Variants in NEXMIF observed in about 807,000 individuals in gnomAD.
NEXMIF encodes XLMR protein related to neurite extension.
Under a neutral mutation model 62.1 loss-of-function variants are expected in NEXMIF, and 8 were observed. The observed-to-expected ratio is 0.13, with a 90% CI of 0.08 to 0.23. NEXMIF has a LOEUF of 0.23. Among genes scored for constraint, NEXMIF ranks in the 10% least tolerant of loss-of-function variants. The pLI, the probability that NEXMIF is intolerant of heterozygous loss-of-function variation, is 1.00. For synonymous variants in NEXMIF, 404 were observed against 416.6 expected, an observed-to-expected ratio of 0.97 and a Z score of 0.37; for missense variants, 976 against 1,113.3, an observed-to-expected ratio of 0.88 and a Z score of 1.75.
chrX:74,849,610 T>G (rs2080506032), intron 1 of NEXMIF, among the ~76,000 whole-genome samples: 1 of 112,646 alleles, frequency 8.9e-6, no homozygotes, highest in Non-Finnish European at 1.9e-5. Flanking sequence ...CAGCAGGCCT[T>G]GCATCTCCAC....
intron 1 of NEXMIF, among the ~76,000 whole-genome samples, chrX:74,905,091 C>T (rs951688402): frequency 9.0e-6 from 1 of 111,240 alleles, no homozygotes; most frequent in Non-Finnish European, 1.9e-5. Flanking sequence ...AAGTAATGTA[C>T]ATGTCATCAG....
chrX:74,787,521 G>A (rs1365127988), intron 1 of NEXMIF, among the ~76,000 whole-genome samples: 1 of 111,437 alleles, frequency 9.0e-6, no homozygotes, highest in African/African-American at 3.3e-5. Context: ...ATGATTCCCT[G>A]ACTCTATTAC....
At chrX:74,849,711 C>T (rs1048758626) in intron 1 of NEXMIF, among the ~76,000 whole-genome samples, 1 of 112,338 alleles carries the variant, frequency 8.9e-6, no homozygotes, top group African/African-American at 3.2e-5. Context: ...GTTGGCGTGA[C>T]CCTGCTATAG....
At chrX:74,859,717 A>G (rs1263793243) in intron 1 of NEXMIF, among the ~76,000 whole-genome samples, 1 of 111,559 alleles carries the variant, frequency 9.0e-6, no homozygotes, top group Admixed American at 9.6e-5. Context: ...ACACAATACA[A>G]TAAGATATAA....
At chrX:74,884,241 T>C (rs1447328144) in intron 1 of NEXMIF, among the ~76,000 whole-genome samples, 2 of 111,731 alleles carry the variant, frequency 1.8e-5, no homozygotes, top group Non-Finnish European at 3.8e-5. Context: ...CATCAACTAA[T>C]GAGCAAAATA....
intron 1 of NEXMIF, among the ~76,000 whole-genome samples, chrX:74,903,800 A>G (rs2080757068): frequency 1.8e-5 from 2 of 111,144 alleles, no homozygotes; most frequent in Non-Finnish European, 3.8e-5. Flanking sequence ...CCTTTCTCCC[A>G]GCAAGCCTTC....
chrX:74,797,686 TG>T (rs1377472957), intron 1 of NEXMIF, among the ~76,000 whole-genome samples: 2 of 111,514 alleles, frequency 1.8e-5, no homozygotes, highest in Non-Finnish European at 3.8e-5. Context: ...CCATGAGGAG[TG>T]GAACTAGATG....
intron 1 of NEXMIF, among the ~76,000 whole-genome samples, chrX:74,812,867 C>A (rs2080364798): frequency 8.9e-6 from 1 of 111,796 alleles, no homozygotes; most frequent in Admixed American, 9.5e-5. Context: ...CAGACCAAAT[C>A]TTTTGATTCC....
At chrX:74,827,523 A>G (rs2080422554) in intron 1 of NEXMIF, among the ~76,000 whole-genome samples, 1 of 112,401 alleles carries the variant, frequency 8.9e-6, no homozygotes, top group African/African-American at 3.2e-5. Context: ...ATGATGCCTT[A>G]GTTTCATTGC....
chrX:74,817,309 C>T (rs748159737), intron 1 of NEXMIF, among the ~76,000 whole-genome samples: 20 of 111,689 alleles, frequency 1.8e-4, no homozygotes, highest in South Asian at 1.1e-3. Context: ...CTTAAACTGC[C>T]GGTTCCTATT....
intron 1 of NEXMIF, among the ~76,000 whole-genome samples, chrX:74,795,508 A>T: frequency 8.9e-6 from 1 of 111,792 alleles, no homozygotes. Flanking sequence ...TGGGATACTT[A>T]TCAGTAGTTT....
intron 1 of NEXMIF, among the ~76,000 whole-genome samples, chrX:74,878,770 C>T (rs1451124237): frequency 8.9e-6 from 1 of 112,356 alleles, no homozygotes; most frequent in African/African-American, 3.2e-5. Flanking sequence ...CGTCTGTCAC[C>T]CCTTTCTTTG....
At chrX:74,816,867 A>C (rs1042509347) in intron 1 of NEXMIF, among the ~76,000 whole-genome samples, 4 of 112,182 alleles carry the variant, frequency 3.6e-5, no homozygotes, top group Non-Finnish European at 7.5e-5. Flanking sequence ...TGATCTATTA[A>C]ACTTTTCCAA....
At chrX:74,784,953 A>C (rs188262519) in intron 1 of NEXMIF, among the ~76,000 whole-genome samples, 60 of 111,554 alleles carry the variant, frequency 5.4e-4, no homozygotes, top group African/African-American at 1.9e-3. Flanking sequence ...TTCAGGCTCA[A>C]GTACGCTTCC....
chrX:74,884,438 G>A (rs1011983128), intron 1 of NEXMIF, among the ~76,000 whole-genome samples: 2 of 111,270 alleles, frequency 1.8e-5, no homozygotes, highest in Admixed American at 9.6e-5. Flanking sequence ...TCAAAATAAA[G>A]GGATGGAGGA....
intron 1 of NEXMIF, among the ~76,000 whole-genome samples, chrX:74,821,782 C>A (rs907711368): frequency 9.0e-6 from 1 of 111,166 alleles, no homozygotes; most frequent in Non-Finnish European, 1.9e-5. Flanking sequence ...CAGGCCGGAG[C>A]GCCGTGGCTC....
chrX:74,778,336 C>A (rs1360811429), intron 1 of NEXMIF, among the ~76,000 whole-genome samples: 1 of 111,782 alleles, frequency 8.9e-6, no homozygotes, highest in Non-Finnish European at 1.9e-5. Flanking sequence ...ACTGAAGCTG[C>A]ACTCCCGGAT....
chrX:74,785,526 C>T (rs990724936), intron 1 of NEXMIF, among the ~76,000 whole-genome samples: 1 of 111,481 alleles, frequency 9.0e-6, no homozygotes, highest in African/African-American at 3.3e-5. Flanking sequence ...ACTCATTCCC[C>T]CTTTGCATAG....
intron 1 of NEXMIF, among the ~76,000 whole-genome samples, chrX:74,915,686 TGA>T (rs1173032691): frequency 2.7e-5 from 3 of 109,337 alleles, no homozygotes; most frequent in African/African-American, 1.0e-4. Context: ...GGTAGAAGAG[TGA>T]GAGTCAGAAA....
Sources: allele counts gnomAD v4.1 joint callset (sites outside exome capture counted in the v4.1 genomes callset), GRCh38; gene constraint gnomAD v4.1.1; transcripts MANE v1.5; gene names NCBI Gene and HGNC (gene_info 2026-07-23, HGNC 2026-07-21).